The following TBC1D16 variants were observed in gnomAD, a reference collection of about 807,000 sequenced individuals.
TBC1D16 encodes the protein TBC1 domain family member 16.
Under a neutral mutation model 74.7 loss-of-function variants are expected in TBC1D16, and 58 were observed. The observed-to-expected ratio is 0.78, with a 90% CI of 0.63 to 0.97. TBC1D16 has a LOEUF of 0.97. Among genes scored for constraint, TBC1D16 ranks in the 50% least tolerant of loss-of-function variants. The pLI, the probability that TBC1D16 is intolerant of heterozygous loss-of-function variation, is 0.00. For synonymous variants in TBC1D16, 493 were observed against 474.7 expected, an observed-to-expected ratio of 1.04 and a Z score of -0.50; for missense variants, 1,014 against 1,079.5, an observed-to-expected ratio of 0.94 and a Z score of 0.85.
chr17:80,005,802 C>G (rs775110548), intron 3 of TBC1D16, among the ~76,000 whole-genome samples: 6 of 152,110 alleles, frequency 3.9e-5, no homozygotes, highest in Non-Finnish European at 5.9e-5. Context: ...AGGTAGCACA[C>G]GAATGTGGGC....
In TBC1D16 at chr17:80,027,670, T is replaced by G. The variant is rs553241347; in HGVS notation, c.-63+8125A>C. Among the ~76,000 whole-genome samples, 76 of 149,856 alleles carry G rather than the reference T, an allele frequency of 5.1e-4. No homozygotes were observed. The South Asian group carries it at 0.015, about 29-fold the overall frequency. ...CACTTTGGGAGGCTGAGGCGGCAGA[T>G]CGCTTGAGGTCAGGAGTTTGAGACC... On this transcript the variant is annotated intron_variant, in intron 1 of 11. Coordinates refer to ENST00000310924, the MANE Select transcript of TBC1D16 (RefSeq NM_019020.4).
chr17:79,985,688 GTGCTAA>G lies in TBC1D16; in HGVS notation c.779+24466_779+24471del, dbSNP rs2034808528. Among the ~76,000 whole-genome samples, 1 of 152,200 alleles carries G rather than the reference GTGCTAA, an allele frequency of 6.6e-6. No homozygotes were observed. Among genetic ancestry groups the G allele is most frequent in the Non-Finnish European group, 1.5e-5 (1 of 68,038 alleles). ...TTCAAACATGCAATTCTCATAAACT[GTGCTAA>G]ATGCCATTTAGTAGCTAATTAACTT... is the stretch of plus-strand genomic sequence containing the variant. On this transcript the variant is annotated intron_variant, in intron 3 of 11. Transcript: ENST00000310924. This position sits in a 1 kb window ranked among gnomAD's most constrained non-coding sequence, Gnocchi z 4.9.
chr17:79,974,744 A>T (rs2034257387), intron 3 of TBC1D16, among the ~76,000 whole-genome samples: 1 of 152,088 alleles, frequency 6.6e-6, no homozygotes, highest in Admixed American at 6.5e-5. Flanking sequence ...TGGCACCCAC[A>T]CAGTAGGGCT....
rs982433459 is a variant in TBC1D16 at position 79,945,719 on chromosome 17, A to G, written c.1729-632T>C. ...AGTCACCCAGCCATGCGCTGCCATG[A>G]GCCGTCAGAGGCGAATGGCGTTGGA... is the stretch of plus-strand genomic sequence containing the variant. On this transcript the variant is annotated intron_variant, in intron 9 of 11. Transcript: ENST00000310924. Among the ~76,000 whole-genome samples the G allele has an allele frequency of 1.1e-4, 17 of 152,236 alleles. 1 individual carries two copies. The highest frequency in any genetic ancestry group is 1.5e-4 in the Non-Finnish European group (10 of 68,036).
At chr17:79,997,328 A>G (rs974994379) in intron 3 of TBC1D16, among the ~76,000 whole-genome samples, 8 of 151,352 alleles carry the variant, frequency 5.3e-5, no homozygotes, top group Admixed American at 4.6e-4. Flanking sequence ...AAGTGGGTGA[A>G]GGGTGTATAG....
intron 3 of TBC1D16, among the ~76,000 whole-genome samples, chr17:79,984,570 GAGAA>G (rs2034739235): frequency 7.3e-6 from 1 of 137,630 alleles, no homozygotes; most frequent in Admixed American, 7.6e-5. Flanking sequence ...AAGAGAGAGA[GAGAA>G]AGAAAGAAAA....
Position 79,950,472 on chromosome 17 carries a change from G to C in TBC1D16, c.1196C>G (p.Ser399Cys). The change falls in exon 6 of 12, where the codon TCC (serine) becomes TGC (cysteine). Residue 399 changes from serine to cysteine, a missense_variant. Physicochemically the swap from Ser to Cys is moderately radical, Grantham distance 112. Transcript: ENST00000310924. The surrounding 1 kb of genome is among the most constrained non-coding windows in gnomAD (Gnocchi z 4.6). Reference protein sequence around the residue: ...EESMYKRLGVSAWLNHLNELG... With the variant: ...EESMYKRLGVCAWLNHLNELG... The stretch of plus-strand genomic sequence containing the variant: ...CTCATTCAGGTGGTTGAGCCAGGCG[G>C]AGACGCCGAGCCTCTTGTACATGCT... 2 of 1,612,902 alleles carry C rather than the reference G, an allele frequency of 1.2e-6. No individual in the cohort carries two copies. Among genetic ancestry groups the C allele is most frequent in the East Asian group, 2.2e-5 (1 of 44,834 alleles).
In TBC1D16 at chr17:79,933,238, T is replaced by C. The variant is rs4309436; in HGVS notation, c.*7621A>G. The C allele has an allele frequency of 0.3, 45,520 of 151,656 alleles. 7,070 individuals carry two copies. Among genetic ancestry groups the C allele is most frequent in the East Asian group, 0.42 (2,134 of 5,130 alleles). The allele number at this position is 151,656 out of a possible 1,614,324, so 9.4% of individuals were successfully genotyped here. A position where few individuals can be genotyped will look rare whatever the true frequency, so the allele number is the denominator to read the frequency against. On this transcript the variant is annotated 3_prime_UTR_variant, in exon 12 of 12. Transcript: ENST00000310924. ...TCTGGGTGGATGTGAGGGAGGGTGA[T>C]TGAACTGGAGGAGGGGGCTGGCTTG...
intron 3 of TBC1D16, among the ~76,000 whole-genome samples, chr17:80,003,447 C>T (rs1555881544): frequency 6.6e-6 from 1 of 152,202 alleles, no homozygotes; most frequent in Non-Finnish European, 1.5e-5. Flanking sequence ...GGCAGGCCGG[C>T]GGCACTGGTG....
chr17:80,003,963 C>G (rs910972663), intron 3 of TBC1D16, among the ~76,000 whole-genome samples: 2 of 152,188 alleles, frequency 1.3e-5, no homozygotes, highest in Admixed American at 1.3e-4. Context: ...GTGGGAGGAT[C>G]GCTCGAGCCC....
Position 80,000,666 on chromosome 17 carries a change from C to T in TBC1D16, c.779+9494G>A, listed in dbSNP as rs991068502. On this transcript the variant is annotated intron_variant, in intron 3 of 11. Coordinates refer to ENST00000310924, the MANE Select transcript of TBC1D16 (RefSeq NM_019020.4). This position sits in a 1 kb window ranked among gnomAD's most constrained non-coding sequence, Gnocchi z 4.1. ...GGGGCTGGCAACTCAGTCAGGTACA[C>T]AGTGATGATGACTGTCTATCTGCCC... 6.6e-6 allele frequency among the ~76,000 whole-genome samples: 1 copy of T among 152,230 alleles called. No homozygotes were observed. The highest frequency in any genetic ancestry group is 6.5e-5 in the Admixed American group (1 of 15,278).
intron 10 of TBC1D16, chr17:79,943,734 A>T: frequency 1.1e-6 from 1 of 913,682 alleles, no homozygotes; most frequent in South Asian, 3.0e-5. Flanking sequence ...AATTCTGACT[A>T]GATCTCATTA....
chr17:80,023,664 C>CCA (rs1555885656), intron 1 of TBC1D16, among the ~76,000 whole-genome samples: 1 of 141,132 alleles, frequency 7.1e-6, no homozygotes, highest in Non-Finnish European at 1.5e-5. Flanking sequence ...CGGGCCCCCC[C>CCA]CCACCGGCTC....
chr17:79,949,531 G>A (rs1444305064), intron 7 of TBC1D16, among the ~76,000 whole-genome samples, 186 bp downstream of exon 7: 1 of 152,208 alleles, frequency 6.6e-6, no homozygotes, highest in Non-Finnish European at 1.5e-5. Context: ...TCCGAGGCCC[G>A]AGTGCTTGGT....
chr17:79,957,804 C>T (rs1252545586), intron 3 of TBC1D16, among the ~76,000 whole-genome samples: 1 of 151,394 alleles, frequency 6.6e-6, no homozygotes, highest in Non-Finnish European at 1.5e-5. Context: ...TCTCTGTACC[C>T]TTCACTCAGT....
chr17:80,025,051 AGG>A, intron 1 of TBC1D16, among the ~76,000 whole-genome samples: 3 of 120,920 alleles, frequency 2.5e-5, no homozygotes, highest in Non-Finnish European at 3.5e-5. Context: ...TGACACAACC[AGG>A]CACACACACT....
rs2035701968 is a variant in TBC1D16, at chr17:80,007,056, T to C, written c.779+3104A>G. 6.6e-6 allele frequency among the ~76,000 whole-genome samples: 1 copy of C among 152,218 alleles called. No homozygotes were observed. Among genetic ancestry groups the C allele is most frequent in the Non-Finnish European group, 1.5e-5 (1 of 68,034 alleles). ...CCAGCCTTGCACTGAAGCACACGCT[T>C]CTGGCGGGGTGGGGAGAGTCCCATC... On this transcript the variant is annotated intron_variant, in intron 3 of 11. Transcript: ENST00000310924. This position sits in a 1 kb window ranked among gnomAD's most constrained non-coding sequence, Gnocchi z 4.5.
intron 1 of TBC1D16, among the ~76,000 whole-genome samples, chr17:80,014,002 C>A (rs1389910804): frequency 2.0e-5 from 3 of 146,408 alleles, no homozygotes; most frequent in Non-Finnish European, 4.5e-5. Flanking sequence ...CAAAAAAAAA[C>A]GTTTTCTTTT....
intron 1 of TBC1D16, among the ~76,000 whole-genome samples, chr17:80,014,831 T>C (rs1024329488): frequency 2.6e-5 from 4 of 152,146 alleles, no homozygotes; most frequent in Non-Finnish European, 2.9e-5. Flanking sequence ...CCTTGAACCC[T>C]GGCCATAGGT....
Sources: allele counts gnomAD v4.1 joint callset (sites outside exome capture counted in the v4.1 genomes callset), GRCh38; gene constraint gnomAD v4.1.1; non-coding constraint Gnocchi (gnomAD v3.1); transcripts MANE v1.5; gene names NCBI Gene and HGNC (gene_info 2026-07-23, HGNC 2026-07-21).